Variants in DENND2A observed in about 807,000 individuals in gnomAD.
DENND2A encodes the protein DENN domain containing 2A.
DENND2A carries 53 observed loss-of-function variants against 105.3 expected under a neutral mutation model. The observed-to-expected ratio is 0.50, with a 90% CI of 0.40 to 0.63. The LOEUF (loss-of-function observed/expected upper bound fraction) is 0.63, where lower values mean the gene tolerates loss of function less well. Among genes scored for constraint, DENND2A ranks in the 30% least tolerant of loss-of-function variants. DENND2A has a pLI of 0.00. For missense variants in DENND2A, 1,138 were observed against 1,279.6 expected (o/e 0.89, Z 1.69); for synonymous variants, 522 against 508.4 (o/e 1.03, Z -0.36).
intron 14 of DENND2A, among the ~76,000 whole-genome samples, chr7:140,531,760 A>G (rs1796277942): frequency 1.3e-5 from 2 of 151,460 alleles, no homozygotes; most frequent in Non-Finnish European, 2.9e-5. Context: ...GGTTGCAGTG[A>G]GCCGAGAATA....
At chr7:140,535,677 G>A (rs1796430829) in intron 14 of DENND2A, among the ~76,000 whole-genome samples, 1 of 151,968 alleles carries the variant, frequency 6.6e-6, no homozygotes, top group Admixed American at 6.6e-5. Flanking sequence ...TGCCTCACAG[G>A]TTCAAGCGAT....
At chr7:140,576,787 G>A (rs954849113) in intron 5 of DENND2A, among the ~76,000 whole-genome samples, 1 of 152,158 alleles carries the variant, frequency 6.6e-6, no homozygotes, top group Admixed American at 6.5e-5. Context: ...GGCACCATAA[G>A]AGCACAAAAA....
rs1795924160 is a variant in DENND2A, at chr7:140,523,201, T to C, written c.2665+106A>G. 1 of 982,354 alleles carries C rather than the reference T, an allele frequency of 1.0e-6. No homozygotes were observed. Among genetic ancestry groups the C allele is most frequent in the Non-Finnish European group, 1.6e-6 (1 of 622,176 alleles). 60.9% of individuals were successfully genotyped at this position (982,354 alleles called of 1,614,324 possible). ...AATGAGGCCCTGGTTTCTCTCCTTA[T>C]GTCTCCCTTGCCCATATTCCTACTT... On this transcript the variant is annotated intron_variant, in intron 17 of 19. Transcript: ENST00000496613. The surrounding 1 kb of genome is among the most constrained non-coding windows in gnomAD (Gnocchi z 4.5).
chr7:140,519,485 G>A (rs1428807610), intron 19 of DENND2A, 147 bp downstream of exon 19: 1 of 614,842 alleles, frequency 1.6e-6, no homozygotes, highest in Non-Finnish European at 2.8e-6. Flanking sequence ...AGAACAGGAG[G>A]TTAAAATGCC....
At chr7:140,591,677 C>CTTTA (rs893699687) in intron 3 of DENND2A, among the ~76,000 whole-genome samples, 1 of 141,524 alleles carries the variant, frequency 7.1e-6, no homozygotes, top group Admixed American at 6.9e-5. Context: ...CTTTCTCTTT[C>CTTTA]TTTCTTTCTT....
At chr7:140,607,550 T>C (rs1259640862) in intron 1 of DENND2A, among the ~76,000 whole-genome samples, 1 of 152,116 alleles carries the variant, frequency 6.6e-6, no homozygotes, top group East Asian at 1.9e-4. Context: ...GCCTACTTCT[T>C]TAAAGAAGCC....
intron 19 of DENND2A, 52 bp from the exon 20 acceptor site, chr7:140,518,790 G>A (rs1373202526): frequency 6.3e-7 from 1 of 1,590,516 alleles, no homozygotes; most frequent in Non-Finnish European, 8.6e-7. Context: ...AGGAGGGTGA[G>A]ATAAATCTTG....
At chr7:140,575,851 C>T (rs1011264244) in intron 5 of DENND2A, among the ~76,000 whole-genome samples, 1 of 151,928 alleles carries the variant, frequency 6.6e-6, no homozygotes, top group Non-Finnish European at 1.5e-5. Flanking sequence ...CACCTGTAGT[C>T]TCAGCTACTC....
intron 5 of DENND2A, among the ~76,000 whole-genome samples, chr7:140,580,410 C>G (rs951813979): frequency 2.2e-4 from 34 of 152,142 alleles, no homozygotes; most frequent in Non-Finnish European, 1.2e-4. Context: ...GCCTTGGACT[C>G]CTGGGTTCAA....
chr7:140,524,987 A>ACTATTC (rs1208606434), intron 16 of DENND2A, among the ~76,000 whole-genome samples: 1 of 138,382 alleles, frequency 7.2e-6, no homozygotes, highest in Non-Finnish European at 1.6e-5. Flanking sequence ...CTGGGTTCAC[A>ACTATTC]CTATTCTCCT....
intron 12 of DENND2A, 44 bp from the exon 13 acceptor site, chr7:140,546,983 C>T: frequency 6.3e-7 from 1 of 1,592,982 alleles, no homozygotes; most frequent in Non-Finnish European, 8.6e-7. Context: ...GAAGCCAAAG[C>T]ACCAAGGTGG....
chr7:140,597,763 C>A (rs1799339800), intron 3 of DENND2A, among the ~76,000 whole-genome samples: 1 of 152,154 alleles, frequency 6.6e-6, no homozygotes, highest in Non-Finnish European at 1.5e-5. Flanking sequence ...GGGTGTGGGA[C>A]CTCCTTGGAG....
intron 3 of DENND2A, among the ~76,000 whole-genome samples, chr7:140,590,412 G>A (rs1798967175): frequency 6.6e-6 from 1 of 152,012 alleles, no homozygotes; most frequent in Non-Finnish European, 1.5e-5. Flanking sequence ...CATAAAAATA[G>A]AGCACATGTA....
intron 12 of DENND2A, among the ~76,000 whole-genome samples, chr7:140,550,673 G>A (rs1797095552): frequency 6.6e-6 from 1 of 151,806 alleles, no homozygotes; most frequent in Non-Finnish European, 1.5e-5. Flanking sequence ...TGTTGGTCAG[G>A]CTGGTCTTGA....
intron 1 of DENND2A, among the ~76,000 whole-genome samples, chr7:140,620,161 A>C (rs1381680333): frequency 6.6e-6 from 1 of 152,028 alleles, no homozygotes; most frequent in Non-Finnish European, 1.5e-5. Flanking sequence ...GCGACACTGC[A>C]CTCCAGCCTG....
chr7:140,584,309 G>A (rs540622282), intron 5 of DENND2A, among the ~76,000 whole-genome samples: 2 of 152,228 alleles, frequency 1.3e-5, no homozygotes, highest in East Asian at 1.9e-4. Context: ...ATTTATTTAC[G>A]CATTGTCTAT....
intron 2 of DENND2A, among the ~76,000 whole-genome samples, chr7:140,603,207 A>T (rs1585737730): frequency 7.3e-6 from 1 of 136,426 alleles, no homozygotes; most frequent in East Asian, 2.0e-4. Flanking sequence ...AATTGCTGGA[A>T]CCCGGGAGGC....
intron 5 of DENND2A, among the ~76,000 whole-genome samples, chr7:140,583,659 G>C (rs1048964306): frequency 1.3e-5 from 2 of 150,530 alleles, no homozygotes; most frequent in African/African-American, 5.0e-5. Flanking sequence ...GCCGGGCGCG[G>C]TGGCTCACGC....
At chr7:140,601,272 A>G in intron 3 of DENND2A, 131 bp downstream of exon 3, 2 of 1,255,346 alleles carry the variant, frequency 1.6e-6, no homozygotes, top group Non-Finnish European at 2.2e-6. Context: ...TTAAGCTATG[A>G]ACCATCTGGA....
Sources: allele counts gnomAD v4.1 joint callset (sites outside exome capture counted in the v4.1 genomes callset), GRCh38; gene constraint gnomAD v4.1.1; non-coding constraint Gnocchi (gnomAD v3.1); transcripts MANE v1.5; gene names NCBI Gene and HGNC (gene_info 2026-07-23, HGNC 2026-07-21).